The following ERBB4 variants were observed in gnomAD, a reference collection of about 807,000 sequenced individuals.
ERBB4 encodes the protein erb-b2 receptor tyrosine kinase 4, also known as receptor tyrosine-protein kinase erbB-4.
Under a neutral mutation model 158.0 loss-of-function variants are expected in ERBB4, and 42 were observed. The ratio of observed to expected loss-of-function variants is 0.27; its 90% CI spans 0.21 to 0.34. The LOEUF is 0.34. ERBB4 is among the 10% of genes least tolerant of loss of function. The probability of loss-of-function intolerance (pLI) is 1.00; values close to 1 mark genes in which losing one functional copy is unlikely to be tolerated. For synonymous variants in ERBB4, 583 were observed against 558.7 expected (o/e 1.04, Z -0.61); for missense variants, 1,333 against 1,624.1 (o/e 0.82, Z 3.08).
chr2:212,444,970 C>A (rs2092320395), intron 1 of ERBB4, among the ~76,000 whole-genome samples: 1 of 151,710 alleles, frequency 6.6e-6, no homozygotes, highest in Non-Finnish European at 1.5e-5. Context: ...AAACTAATAT[C>A]TGTGGACTCG....
chr2:211,613,900 C>T (rs956360566), intron 19 of ERBB4, among the ~76,000 whole-genome samples: 1 of 152,048 alleles, frequency 6.6e-6, no homozygotes, highest in African/African-American at 2.4e-5. Context: ...CCATACGATA[C>T]AGCAATTCCA....
chr2:211,774,982 A>G (rs555047178), intron 4 of ERBB4, among the ~76,000 whole-genome samples: 231 of 152,278 alleles, frequency 1.5e-3, no homozygotes, highest in Non-Finnish European at 2.4e-3. Context: ...TGTTGAACTT[A>G]AATGCTTTCT....
At chr2:211,967,560 G>A (rs2081340740) in intron 2 of ERBB4, among the ~76,000 whole-genome samples, 1 of 151,954 alleles carries the variant, frequency 6.6e-6, no homozygotes, top group Non-Finnish European at 1.5e-5. Context: ...ATGGCCCCAA[G>A]AATGATGACT....
At chr2:211,496,472 T>C (rs1279870698) in intron 20 of ERBB4, among the ~76,000 whole-genome samples, 1 of 151,946 alleles carries the variant, frequency 6.6e-6, no homozygotes, top group Non-Finnish European at 1.5e-5. Flanking sequence ...GTCATAACCA[T>C]TGATCGGTAC....
At chr2:212,255,559 G>C (rs886821476) in intron 1 of ERBB4, among the ~76,000 whole-genome samples, 1 of 152,172 alleles carries the variant, frequency 6.6e-6, no homozygotes, top group South Asian at 2.1e-4. Flanking sequence ...AAATGCTTGG[G>C]GCTGGAAGTA....
At chr2:211,994,133 A>C (rs1196343822) in intron 2 of ERBB4, among the ~76,000 whole-genome samples, 2 of 151,976 alleles carry the variant, frequency 1.3e-5, no homozygotes, top group East Asian at 1.9e-4. Context: ...CCTATCATCT[A>C]TCTATCTGTC....
At chr2:211,865,988 A>AT (rs374837159) in intron 3 of ERBB4, among the ~76,000 whole-genome samples, 25 of 152,218 alleles carry the variant, frequency 1.6e-4, no homozygotes, top group Middle Eastern at 3.2e-3. Context: ...ACTGTGACCG[A>AT]TAAAAACTAT....
chr2:211,995,354 T>G (rs1018751882), intron 2 of ERBB4, among the ~76,000 whole-genome samples: 1 of 152,238 alleles, frequency 6.6e-6, no homozygotes, highest in African/African-American at 2.4e-5. Context: ...ATAGTTCTTA[T>G]GTGTAAATTC....
intron 1 of ERBB4, among the ~76,000 whole-genome samples, chr2:212,194,938 A>C (rs1045251477): frequency 2.0e-5 from 3 of 151,978 alleles, no homozygotes; most frequent in African/African-American, 7.2e-5. Context: ...TTTGTTTTCC[A>C]CATTGGTTAT....
intron 20 of ERBB4, among the ~76,000 whole-genome samples, chr2:211,522,621 A>G (rs2125641469): frequency 6.6e-6 from 1 of 152,306 alleles, no homozygotes; most frequent in Middle Eastern, 3.4e-3. Flanking sequence ...GTTATCAAAC[A>G]ACTTTGCTAG....
chr2:211,794,724 A>C (rs1360033244), intron 3 of ERBB4, among the ~76,000 whole-genome samples: 1 of 151,926 alleles, frequency 6.6e-6, no homozygotes, highest in Admixed American at 6.6e-5. Flanking sequence ...CCCCGGAAAA[A>C]ATTAAAACTA....
At chr2:211,691,302 C>T (rs73082622) in intron 12 of ERBB4, among the ~76,000 whole-genome samples, 3,382 of 152,122 alleles carry the variant, frequency 0.022, 108 homozygotes, top group African/African-American at 0.07. Context: ...GAAGATTAGA[C>T]ATAAAATTAG....
chr2:211,994,128 C>G (rs2082141590), intron 2 of ERBB4, among the ~76,000 whole-genome samples: 1 of 151,946 alleles, frequency 6.6e-6, no homozygotes, highest in Non-Finnish European at 1.5e-5. Context: ...ATCTACCTAT[C>G]ATCTATCTAT....
intron 1 of ERBB4, among the ~76,000 whole-genome samples, chr2:212,200,669 A>G (rs1278198188): frequency 6.6e-6 from 1 of 152,210 alleles, no homozygotes; most frequent in Non-Finnish European, 1.5e-5. Flanking sequence ...TTGTTAGTCA[A>G]AAAGTGTAAG....
At chr2:211,703,491 T>C (rs1382441162) in intron 11 of ERBB4, among the ~76,000 whole-genome samples, 1 of 152,210 alleles carries the variant, frequency 6.6e-6, no homozygotes, top group Non-Finnish European at 1.5e-5. Context: ...AAAAAATTCT[T>C]ATGCAAATTG....
chr2:212,381,642 T>A (rs1177639800), intron 1 of ERBB4, among the ~76,000 whole-genome samples: 1 of 151,270 alleles, frequency 6.6e-6, no homozygotes, highest in East Asian at 1.9e-4. Context: ...CTTATTAGAT[T>A]TATTCATGAC....
intron 2 of ERBB4, among the ~76,000 whole-genome samples, chr2:212,055,980 G>C (rs1390714456): frequency 6.6e-6 from 1 of 152,164 alleles, no homozygotes; most frequent in Non-Finnish European, 1.5e-5. Flanking sequence ...AAACTTCTCT[G>C]AGCTAAGGGA....
chr2:211,692,025 G>T (rs995221244), intron 12 of ERBB4, among the ~76,000 whole-genome samples: 31 of 152,278 alleles, frequency 2.0e-4, no homozygotes, highest in African/African-American at 6.7e-4. Context: ...GGATTGACTT[G>T]AAGGTATATT....
At chr2:212,180,366 C>G (rs537990458) in intron 1 of ERBB4, among the ~76,000 whole-genome samples, 27 of 151,770 alleles carry the variant, frequency 1.8e-4, no homozygotes, top group African/African-American at 6.5e-4. Context: ...TGCAAAATTA[C>G]AATCATAGCG....
Sources: gnomAD v4.1 joint callset for allele counts (sites outside exome capture counted in the v4.1 genomes callset) on GRCh38, gnomAD v4.1.1 for gene constraint, MANE v1.5 for transcripts, NCBI Gene and HGNC (gene_info 2026-07-23, HGNC 2026-07-21) for gene names.